ABLIM2: variants seen among roughly 807,000 people sequenced by gnomAD.
The protein encoded by ABLIM2 is actin binding LIM protein family member 2, also known as actin-binding LIM protein 2.
A neutral mutation model predicts 97.7 loss-of-function variants in ABLIM2; 53 were observed. The ratio of observed to expected loss-of-function variants is 0.54; its 90% CI spans 0.44 to 0.68. The LOEUF is 0.68. Among genes scored for constraint, ABLIM2 ranks in the 30% least tolerant of loss-of-function variants. The pLI is 0.00. For missense variants in ABLIM2, 835 were observed against 867.2 expected, an observed-to-expected ratio of 0.96 and a Z score of 0.47; for synonymous variants, 361 against 345.8, an observed-to-expected ratio of 1.04 and a Z score of -0.49.
chr4:7,988,479 T>C (rs1253837861), intron 17 of ABLIM2, among the ~76,000 whole-genome samples: 1 of 152,226 alleles, frequency 6.6e-6, no homozygotes, highest in Non-Finnish European at 1.5e-5. Flanking sequence ...GGACTGTAAA[T>C]ATTTGAGCCC....
Position 8,150,720 on chromosome 4 carries a change from G to C in ABLIM2, c.10+7960C>G, listed in dbSNP as rs538750173. 6.6e-6 allele frequency among the ~76,000 whole-genome samples: 1 copy of C among 152,194 alleles called. No homozygotes were observed. Among genetic ancestry groups the C allele is most frequent in the Non-Finnish European group, 1.5e-5 (1 of 68,018 alleles). On this transcript the variant is annotated intron_variant, in intron 1 of 20. Coordinates refer to ENST00000447017, the MANE Select transcript of ABLIM2 (RefSeq NM_001130083.2). This position sits in a 1 kb window ranked among gnomAD's most constrained non-coding sequence, Gnocchi z 6.3. ...TGACTCAAGACACCACGCCTCCTGAGGATGCTGTGCCGAGAAAACCGGGAG... is the reference window on the plus strand; with the variant it reads ...TGACTCAAGACACCACGCCTCCTGACGATGCTGTGCCGAGAAAACCGGGAG...
chr4:8,108,503 G>C (rs1022033054), intron 1 of ABLIM2, among the ~76,000 whole-genome samples: 1 of 152,236 alleles, frequency 6.6e-6, no homozygotes, highest in Non-Finnish European at 1.5e-5. Context: ...CTCGCGGGGA[G>C]GCGACTACTC....
intron 1 of ABLIM2, among the ~76,000 whole-genome samples, chr4:8,143,775 G>C (rs546587881): frequency 2.6e-4 from 39 of 152,266 alleles, no homozygotes; most frequent in African/African-American, 9.1e-4. Flanking sequence ...CATGCTCCAG[G>C]GAACATACCA....
At chr4:8,110,046 G>A (rs913071251) in intron 1 of ABLIM2, among the ~76,000 whole-genome samples, 3 of 152,256 alleles carry the variant, frequency 2.0e-5, no homozygotes, top group East Asian at 1.9e-4. Flanking sequence ...AGTGCAGAAC[G>A]AGGATTAGAA....
chr4:8,030,189 G>A (rs1780018496), intron 10 of ABLIM2, among the ~76,000 whole-genome samples: 1 of 152,228 alleles, frequency 6.6e-6, no homozygotes, highest in Non-Finnish European at 1.5e-5. Flanking sequence ...TGAACTGGGG[G>A]CTCTAACGGC....
rs558882694 is a variant in ABLIM2, at chr4:8,028,989, C to T, written c.1168+667G>A. ...GAAAAATCCCTCGAAAGGCAGTGTC[C>T]GTGTGGAGCGTCCCTGCTGTGGCTT... On this transcript the variant is annotated intron_variant, in intron 11 of 20. Transcript: ENST00000447017. 5.5e-4 allele frequency among the ~76,000 whole-genome samples: 84 copies of T among 152,290 alleles called. 1 individual carries two copies. Among genetic ancestry groups the T allele is most frequent in the Non-Finnish European group, 1.1e-3 (72 of 68,024 alleles).
At chr4:8,079,393 T>G (rs775715724) in intron 5 of ABLIM2, among the ~76,000 whole-genome samples, 2 of 152,240 alleles carry the variant, frequency 1.3e-5, no homozygotes, top group African/African-American at 2.4e-5. Context: ...GGGAGGGGCC[T>G]GCCGCCTGCA....
intron 16 of ABLIM2, among the ~76,000 whole-genome samples, chr4:8,000,698 G>C (rs1756546532): frequency 6.6e-6 from 1 of 152,150 alleles, no homozygotes; most frequent in Non-Finnish European, 1.5e-5. Context: ...GCTGCTCAGG[G>C]AGCTGTCCCC....
intron 6 of ABLIM2, among the ~76,000 whole-genome samples, chr4:8,062,071 C>T (rs1051871921): frequency 6.6e-6 from 1 of 151,740 alleles, no homozygotes; most frequent in Non-Finnish European, 1.5e-5. Flanking sequence ...TCCCGCAGGG[C>T]CCAGGCCTCG....
intron 1 of ABLIM2, among the ~76,000 whole-genome samples, chr4:8,135,237 G>A (rs1028403419): frequency 2.6e-5 from 4 of 152,214 alleles, no homozygotes; most frequent in Admixed American, 6.5e-5. Flanking sequence ...ATTCTGGGTC[G>A]GATCCTGGAG....
intron 2 of ABLIM2, among the ~76,000 whole-genome samples, chr4:8,101,587 C>T (rs942026843): frequency 2.0e-5 from 3 of 152,224 alleles, no homozygotes; most frequent in African/African-American, 4.8e-5. Flanking sequence ...GCCTTACATG[C>T]GCAGCTCACG....
In ABLIM2 at chr4:8,067,871, G is replaced by C. The variant is rs1053672574; in HGVS notation, c.676-6817C>G. 1 of 152,266 alleles carries C rather than the reference G, an allele frequency of 6.6e-6. No individual in the cohort carries two copies. Among genetic ancestry groups the C allele is most frequent in the African/African-American group, 2.4e-5 (1 of 41,432 alleles). 9.4% of individuals were successfully genotyped at this position (152,266 alleles called of 1,614,324 possible). A position where few individuals can be genotyped will look rare whatever the true frequency, so the allele number is the denominator to read the frequency against. On this transcript the variant is annotated intron_variant, in intron 6 of 20. Coordinates refer to ENST00000447017, the MANE Select transcript of ABLIM2 (RefSeq NM_001130083.2). The surrounding 1 kb of genome is among the most constrained non-coding windows in gnomAD (Gnocchi z 5.4). ...AGGACTGTCCCTCCCTCTCAGGCTG[G>C]GGTAGTATAACCGGGCTCTGTGATT...
At chr4:8,084,670 C>T (rs992766808) in intron 4 of ABLIM2, among the ~76,000 whole-genome samples, 7 of 152,204 alleles carry the variant, frequency 4.6e-5, no homozygotes, top group African/African-American at 1.2e-4. Context: ...GAGCCAGGGG[C>T]GGCCAGGCCC....
intron 17 of ABLIM2, among the ~76,000 whole-genome samples, chr4:7,985,604 G>A (rs766593987): frequency 3.3e-5 from 5 of 152,288 alleles, no homozygotes; most frequent in Non-Finnish European, 7.3e-5. Flanking sequence ...GCAGCTCTGC[G>A]TGTGACTGTT....
intron 1 of ABLIM2, among the ~76,000 whole-genome samples, chr4:8,141,009 A>G (rs1578484904): frequency 2.0e-5 from 3 of 151,940 alleles, no homozygotes; most frequent in Admixed American, 2.0e-4. Context: ...GCTCAGGTGG[A>G]CCCTGCCCCT....
chr4:7,993,255 G>A (rs1750415587), intron 16 of ABLIM2, among the ~76,000 whole-genome samples: 1 of 152,246 alleles, frequency 6.6e-6, no homozygotes, highest in South Asian at 2.1e-4. Context: ...TTACAGACAG[G>A]GGAGCTGAGC....
In ABLIM2 at chr4:8,155,363, T is replaced by G. The variant is rs751646790; in HGVS notation, c.10+3317A>C. 3.2e-4 allele frequency among the ~76,000 whole-genome samples: 49 copies of G among 152,362 alleles called. 1 individual carries two copies. The highest frequency in any genetic ancestry group is 1.3e-3 in the East Asian group (7 of 5,190). On this transcript the variant is annotated intron_variant, in intron 1 of 20. Coordinates refer to ENST00000447017, the MANE Select transcript of ABLIM2 (RefSeq NM_001130083.2). The surrounding 1 kb of genome is among the most constrained non-coding windows in gnomAD (Gnocchi z 4.2). ...TCTGCACCGTCCACAGTCTGGGGAC[T>G]AGGGCTCAGGTTCGGGCTCTGCCAC...
chr4:7,991,990 G>C (rs987504397), intron 17 of ABLIM2, among the ~76,000 whole-genome samples: 1 of 152,152 alleles, frequency 6.6e-6, no homozygotes, highest in African/African-American at 2.4e-5. Context: ...TAGTGGCCTC[G>C]GTTGAGAGGT....
chr4:8,113,522 G>C lies in ABLIM2; in HGVS notation c.11-6885C>G, dbSNP rs1415715607. 6.6e-6 allele frequency among the ~76,000 whole-genome samples: 1 copy of C among 152,228 alleles called. No individual in the cohort carries two copies. The highest frequency in any genetic ancestry group is 2.4e-5 in the African/African-American group (1 of 41,474). ...TTCCTGGTTTGGCCAAAGACCAGCAGCTGTGCTCGCCTTGTTCTCTTGCTT... is the reference window on the plus strand; with the variant it reads ...TTCCTGGTTTGGCCAAAGACCAGCACCTGTGCTCGCCTTGTTCTCTTGCTT... On this transcript the variant is annotated intron_variant, in intron 1 of 20. Coordinates refer to ENST00000447017, the MANE Select transcript of ABLIM2 (RefSeq NM_001130083.2). This position sits in a 1 kb window ranked among gnomAD's most constrained non-coding sequence, Gnocchi z 4.5.
Sources: gnomAD v4.1 joint callset for allele counts (sites outside exome capture counted in the v4.1 genomes callset) on GRCh38, gnomAD v4.1.1 for gene constraint, Gnocchi (gnomAD v3.1) non-coding constraint, MANE v1.5 for transcripts, NCBI Gene and HGNC (gene_info 2026-07-23, HGNC 2026-07-21) for gene names.